The following KLF15 variants were observed in gnomAD, a reference collection of about 807,000 sequenced individuals.
The protein encoded by KLF15 is KLF transcription factor 15.
Under a neutral mutation model 24.6 loss-of-function variants are expected in KLF15, and 4 were observed. That is an observed-to-expected ratio of 0.16 (90% CI 0.08 to 0.37). KLF15 has a LOEUF of 0.37. Ranked by LOEUF, KLF15 falls within the 10% of genes least tolerant of loss-of-function variation. The pLI is 1.00. For synonymous variants in KLF15, 246 were observed against 236.3 expected (o/e 1.04, Z -0.37); for missense variants, 496 against 560.6 (o/e 0.88, Z 1.16).
the KLF15 span, among the ~76,000 whole-genome samples, chr3:126,294,619 T>A: frequency 6.6e-6 from 1 of 152,188 alleles, no homozygotes; most frequent in Non-Finnish European, 1.5e-5. Context: ...AGCACTTTTC[T>A]CTGCTTGCAG....
At chr3:126,316,171 G>C in the KLF15 span, among the ~76,000 whole-genome samples, 1 of 152,098 alleles carries the variant, frequency 6.6e-6, no homozygotes, top group African/African-American at 2.4e-5. Context: ...GAAAAAGCCA[G>C]AGCAATATGG....
chr3:126,334,422 A>G, the KLF15 span, among the ~76,000 whole-genome samples: 4 of 133,726 alleles, frequency 3.0e-5, no homozygotes, highest in Non-Finnish European at 4.8e-5. Context: ...CATTCAAAGC[A>G]GTGTGTAGAG....
At chr3:126,344,342 G>A (rs1480797426) in intron 2 of KLF15, among the ~76,000 whole-genome samples, 2 of 151,968 alleles carry the variant, frequency 1.3e-5, no homozygotes, top group Non-Finnish European at 2.9e-5. Context: ...TTAAAGGCGT[G>A]AGCCACTGTG....
At chr3:126,319,860 G>A in the KLF15 span, among the ~76,000 whole-genome samples, 4 of 152,198 alleles carry the variant, frequency 2.6e-5, no homozygotes, top group South Asian at 2.1e-4. Context: ...TGCAGGGGAG[G>A]GGGAACTGGA....
chr3:126,308,542 G>A, the KLF15 span, among the ~76,000 whole-genome samples: 4 of 152,168 alleles, frequency 2.6e-5, no homozygotes, highest in Non-Finnish European at 5.9e-5. Flanking sequence ...CCTCAAGTGC[G>A]ACCCTGGCGC....
At chr3:126,340,845 T>G (rs35341158), downstream of KLF15, among the ~76,000 whole-genome samples, 1 of 152,086 alleles carries the variant, frequency 6.6e-6, no homozygotes, top group Non-Finnish European at 1.5e-5. Context: ...CCAGGCACTG[T>G]AACAGACTCT....
intron 2 of KLF15, 31 bp from the exon 3 acceptor site, chr3:126,343,926 G>C (rs763004443): frequency 6.5e-7 from 1 of 1,543,992 alleles, no homozygotes; most frequent in Non-Finnish European, 8.7e-7. Context: ...AGCGAGGCCT[G>C]GCCCTGCCTG....
At chr3:126,337,659 T>C (rs1402259603), downstream of KLF15, among the ~76,000 whole-genome samples, 2 of 152,108 alleles carry the variant, frequency 1.3e-5, no homozygotes, top group Non-Finnish European at 2.9e-5. Flanking sequence ...AGGGTGGATA[T>C]TAAGGATATA....
intron 1 of KLF15, among the ~76,000 whole-genome samples, chr3:126,355,123 C>T (rs1394452694): frequency 6.6e-6 from 1 of 152,042 alleles, no homozygotes; most frequent in African/African-American, 2.4e-5. Flanking sequence ...GCCTTAGAGC[C>T]CTCCCCTGAA....
the KLF15 span, among the ~76,000 whole-genome samples, chr3:126,294,812 G>A: frequency 2.6e-5 from 4 of 151,136 alleles, no homozygotes; most frequent in East Asian, 3.9e-4. Context: ...CTCCCTGTCA[G>A]AGCCTCTCTA....
At chr3:126,323,972 A>G in the KLF15 span, among the ~76,000 whole-genome samples, 20 of 149,196 alleles carry the variant, frequency 1.3e-4, no homozygotes, top group Non-Finnish European at 2.1e-4. Context: ...TTTATCATTG[A>G]TGGGCATTTG....
At chr3:126,313,539 C>A in the KLF15 span, among the ~76,000 whole-genome samples, 4 of 152,176 alleles carry the variant, frequency 2.6e-5, no homozygotes, top group African/African-American at 9.7e-5. Context: ...AACCTGTAAC[C>A]TAGTGTTTCT....
At chr3:126,337,953 G>A (rs535306281), downstream of KLF15, among the ~76,000 whole-genome samples, 2 of 152,152 alleles carry the variant, frequency 1.3e-5, no homozygotes, top group Non-Finnish European at 2.9e-5. Flanking sequence ...TAGAGAAGGC[G>A]GTGTTGGTGT....
chr3:126,320,102 A>T, the KLF15 span, among the ~76,000 whole-genome samples: 1 of 152,166 alleles, frequency 6.6e-6, no homozygotes. Flanking sequence ...GGGGCCAAGG[A>T]GGTAACATAA....
rs1450678849 is a variant in KLF15, at chr3:126,352,651, C to A, written c.272G>T (p.Gly91Val). 6.3e-7 allele frequency: 1 copy of A among 1,597,624 alleles called. No individual in the cohort carries two copies. ...GCTGGCCCCAATGCTACTGCCGCTG[C>A]CCCCGCCACTGCCCAGCGTGGCCTG... ...LSQATLGSGG[G>V]SGSSIGASSG... Residue 91 changes from glycine (G) to valine (V), a missense_variant, in exon 2 of 3, where the codon GGC becomes GTC. This residue lies in a region of KLF15 where 399 missense variants were observed against 423.1 expected (regional missense o/e 0.94). Transcript: ENST00000296233.
downstream of KLF15, among the ~76,000 whole-genome samples, chr3:126,338,385 G>T (rs2082454936): frequency 6.6e-6 from 1 of 152,200 alleles, no homozygotes; most frequent in South Asian, 2.1e-4. Context: ...AAACAGACAG[G>T]TGTCCTTCTT....
At chr3:126,320,229 T>C in the KLF15 span, among the ~76,000 whole-genome samples, 2 of 152,212 alleles carry the variant, frequency 1.3e-5, no homozygotes, top group African/African-American at 2.4e-5. Flanking sequence ...CTATGATTGG[T>C]GGCTGCCCTG....
intron 1 of KLF15, chr3:126,353,883 C>T (rs2082609185): frequency 6.6e-6 from 1 of 152,324 alleles, no homozygotes; most frequent in Non-Finnish European, 1.5e-5. Flanking sequence ...CCGCATGTGC[C>T]TAACTGCCTT....
At chr3:126,344,746 C>T (rs1420466800) in intron 2 of KLF15, among the ~76,000 whole-genome samples, 1 of 152,250 alleles carries the variant, frequency 6.6e-6, no homozygotes, top group Non-Finnish European at 1.5e-5. Flanking sequence ...ACTCCTGAAA[C>T]CAGCTGTGCT....
Sources: gnomAD v4.1 joint callset for allele counts (sites outside exome capture counted in the v4.1 genomes callset) on GRCh38, gnomAD v4.1.1 for gene constraint, gnomAD v4.1.1 regional missense constraint, MANE v1.5 for transcripts, NCBI Gene and HGNC (gene_info 2026-07-23, HGNC 2026-07-21) for gene names.